Variants in DST observed in about 807,000 individuals in gnomAD.
The protein encoded by DST is bullous pemphigoid antigen.
In DST, 253 loss-of-function variants were observed where a neutral mutation model predicts 875.2. The observed-to-expected ratio is 0.29, with a 90% CI of 0.26 to 0.32. The LOEUF is 0.32. Ranked by LOEUF, DST falls within the 10% of genes least tolerant of loss-of-function variation. The probability of loss-of-function intolerance (pLI) is 1.00; values close to 1 mark genes in which losing one functional copy is unlikely to be tolerated. For missense variants in DST, 8,287 were observed against 9,111.6 expected (o/e 0.91, Z 3.68); for synonymous variants, 3,124 against 3,197.1 (o/e 0.98, Z 0.77).
intron 10 of DST, among the ~76,000 whole-genome samples, chr6:56,665,025 T>G (rs1191613794): frequency 6.6e-6 from 1 of 152,200 alleles, no homozygotes; most frequent in Non-Finnish European, 1.5e-5. Flanking sequence ...TCATATAACT[T>G]TGTCATTCTT....
At chr6:56,517,379 G>A in intron 70 of DST, 74 bp from the exon 71 acceptor site, 10 of 1,579,684 alleles carry the variant, frequency 6.3e-6, no homozygotes, top group Non-Finnish European at 8.7e-6. Flanking sequence ...ATTAGGCTAA[G>A]TAGTTAAAAA....
At chr6:56,542,815 T>G (rs1412380760) in intron 61 of DST, 1 of 152,044 alleles carries the variant, frequency 6.6e-6, no homozygotes, top group Non-Finnish European at 1.5e-5. Flanking sequence ...ATCTGCTGCG[T>G]CTCTGGGCCT....
At chr6:56,466,388 A>T in intron 98 of DST, 193 bp from the exon 99 acceptor site, 1 of 390,808 alleles carries the variant, frequency 2.6e-6, no homozygotes, top group Non-Finnish European at 4.5e-6. Context: ...GCCCAAAGGA[A>T]ACAGTTTGAA....
At chr6:56,843,597 C>G in intron 4 of DST, 1 of 983,800 alleles carries the variant, frequency 1.0e-6, no homozygotes, top group Non-Finnish European at 1.2e-6. Context: ...GGCAGCGGTG[C>G]GGGAGGACCG....
At chr6:56,571,487 G>A (rs1562877524) in intron 53 of DST, among the ~76,000 whole-genome samples, 1 of 152,280 alleles carries the variant, frequency 6.6e-6, no homozygotes, top group Non-Finnish European at 1.5e-5. Context: ...TATGTTCTGA[G>A]GCTTTTCTAC....
intron 2 of DST, among the ~76,000 whole-genome samples, chr6:56,905,634 T>C (rs559242289): frequency 1.5e-4 from 22 of 144,728 alleles, no homozygotes; most frequent in African/African-American, 6.4e-4. Context: ...ATGCATATAT[T>C]GCGTTTTCTT....
intron 4 of DST, among the ~76,000 whole-genome samples, chr6:56,752,922 G>A (rs1056765138): frequency 1.3e-5 from 2 of 152,062 alleles, no homozygotes; most frequent in Admixed American, 6.6e-5. Flanking sequence ...CTCCTGAGTA[G>A]CTGGGATTAC....
At chr6:56,710,338 A>T (rs2099358277) in intron 5 of DST, among the ~76,000 whole-genome samples, 1 of 152,206 alleles carries the variant, frequency 6.6e-6, no homozygotes, top group Non-Finnish European at 1.5e-5. Flanking sequence ...TCTATATCTA[A>T]AGGATACAGT....
chr6:56,482,090 T>C lies in DST; in HGVS notation c.21491A>G (p.Asp7164Gly). 2.5e-6 allele frequency: 4 copies of C among 1,613,842 alleles called. No homozygotes were observed. Among genetic ancestry groups the C allele is most frequent in the Non-Finnish European group, 3.4e-6 (4 of 1,179,828 alleles). ...GAGAGTCCGGAGAGCATCCTCATCATCTGGGAGGACACCATGGAAACGCAG... is the reference window on the plus strand; with the variant it reads ...GAGAGTCCGGAGAGCATCCTCATCACCTGGGAGGACACCATGGAAACGCAG... ...QTLRFHGVLP[D>G]DEDALRTLID... The change falls in exon 90 of 104, where the codon GAT becomes GGT. Residue 7164 changes from aspartate (D) to glycine (G), a missense_variant. Physicochemically the swap from Asp to Gly is moderately conservative, Grantham distance 94. Coordinates refer to ENST00000680361, the MANE Select transcript of DST (RefSeq NM_001374736.1).
intron 99 of DST, among the ~76,000 whole-genome samples, chr6:56,465,810 T>C (rs1180994465): frequency 6.9e-6 from 1 of 145,618 alleles, no homozygotes; most frequent in African/African-American, 2.5e-5. Flanking sequence ...GATGTAAAAG[T>C]CTCCTAAAGA....
At position 56,635,814 on chromosome 6, in the gene DST, A is replaced by T. The variant is rs1205067186; in HGVS notation, c.3061-100T>A. 4.0e-6 allele frequency: 5 copies of T among 1,258,960 alleles called. No homozygotes were observed. In the Admixed American group the frequency reaches 8.6e-5, roughly 22 times the overall value. The allele number at this position is 1,258,960 out of a possible 1,614,324, so 78.0% of individuals were successfully genotyped here. On this transcript the variant is annotated intron_variant, in intron 23 of 103. Transcript: ENST00000680361. ...CAAGGTCCTATGTGTACCCCTCATAAGTGAGAAGAGAATAAAAGCACAAGA... is the reference window on the plus strand; with the variant it reads ...CAAGGTCCTATGTGTACCCCTCATATGTGAGAAGAGAATAAAAGCACAAGA...
At chr6:56,618,685 T>C (rs938309018) in intron 36 of DST, 1 of 1,613,720 alleles carries the variant, frequency 6.2e-7, no homozygotes, top group African/African-American at 1.3e-5. Context: ...AGTTTTCTTG[T>C]TGAAGAGACA....
At chr6:56,660,038 G>A (rs568084803) in intron 10 of DST, among the ~76,000 whole-genome samples, 1 of 152,290 alleles carries the variant, frequency 6.6e-6, no homozygotes, top group South Asian at 2.1e-4. Flanking sequence ...CTGAGAGTAG[G>A]AGTCTAGATC....
In DST at chr6:56,627,291, T is replaced by C. The variant is rs1444157768; in HGVS notation, c.4639-4A>G. 6.2e-7 allele frequency: 1 copy of C among 1,605,160 alleles called. No individual in the cohort carries two copies. Among genetic ancestry groups the C allele is most frequent in the Admixed American group, 1.7e-5 (1 of 60,012 alleles). On this transcript the variant is annotated splice_region_variant and splice_polypyrimidine_tract_variant and intron_variant, in intron 33 of 103. Coordinates refer to ENST00000680361, the MANE Select transcript of DST (RefSeq NM_001374736.1). Reference sequence around the variant, plus strand: ...TTTCTATTTCGGACACCAGCATCTATAAATATACACAGTTTAGAACAAAAA... The same window carrying C: ...TTTCTATTTCGGACACCAGCATCTACAAATATACACAGTTTAGAACAAAAA...
At chr6:56,666,210 T>C (rs568272480) in intron 10 of DST, among the ~76,000 whole-genome samples, 1 of 152,214 alleles carries the variant, frequency 6.6e-6, no homozygotes, top group South Asian at 2.1e-4. Context: ...TTTTCAAGAG[T>C]CATATTCTAT....
intron 5 of DST, among the ~76,000 whole-genome samples, chr6:56,711,530 T>A (rs928351449): frequency 6.6e-6 from 1 of 152,204 alleles, no homozygotes; most frequent in African/African-American, 2.4e-5. Context: ...ATCTCTTGCA[T>A]AGCTGTACAG....
At chr6:56,947,243 ACT>A (rs1374092722) in intron 2 of DST, among the ~76,000 whole-genome samples, 2 of 120,796 alleles carry the variant, frequency 1.7e-5, no homozygotes. Context: ...ATTTTTTGCT[ACT>A]CTCTCTTTTT....
Position 56,604,904 on chromosome 6 carries a change from T to A in DST, c.9724A>T (p.Ile3242Phe), listed in dbSNP as rs1293472997. The change falls in exon 40 of 104, where the codon ATC (isoleucine) becomes TTC (phenylalanine). Residue 3242 changes from isoleucine (I) to phenylalanine (F), a missense_variant. By Grantham distance (21) the Ile-to-Phe change is conservative (BLOSUM62 0). Coordinates refer to ENST00000680361, the MANE Select transcript of DST (RefSeq NM_001374736.1). Reference sequence around the variant, plus strand: ...TTACTACAAAGATCATTGCTTTGGATCATGTCATTAAGAGGTGAGTCTTTT... The same window carrying A: ...TTACTACAAAGATCATTGCTTTGGAACATGTCATTAAGAGGTGAGTCTTTT... ...TQKDSPLNDM[I>F]QSNDLCSKES... 6.2e-7 allele frequency: 1 copy of A among 1,612,734 alleles called. No homozygotes were observed. The highest frequency in any genetic ancestry group is 1.3e-5 in the African/African-American group (1 of 74,968).
intron 4 of DST, among the ~76,000 whole-genome samples, chr6:56,805,663 G>A (rs1273967757): frequency 6.6e-6 from 1 of 152,154 alleles, no homozygotes; most frequent in Non-Finnish European, 1.5e-5. Context: ...TGTGCCTACT[G>A]GCACCATTCT....
Sources: allele counts gnomAD v4.1 joint callset (sites outside exome capture counted in the v4.1 genomes callset), GRCh38; gene constraint gnomAD v4.1.1; transcripts MANE v1.5; gene names NCBI Gene and HGNC (gene_info 2026-07-23, HGNC 2026-07-21).